The following USP37 variants were observed in gnomAD, a reference collection of about 807,000 sequenced individuals.
USP37 encodes ubiquitin carboxyl-terminal hydrolase 37.
Under a neutral mutation model 124.0 loss-of-function variants are expected in USP37, and 27 were observed. The observed-to-expected ratio is 0.22, with a 90% CI of 0.16 to 0.30. The LOEUF is 0.30. Ranked by LOEUF, USP37 falls within the 10% of genes least tolerant of loss-of-function variation. The pLI, the probability that USP37 is intolerant of heterozygous loss-of-function variation, is 1.00. For synonymous variants in USP37, 365 were observed against 388.0 expected, an observed-to-expected ratio of 0.94 and a Z score of 0.70; for missense variants, 889 against 1,140.4, an observed-to-expected ratio of 0.78 and a Z score of 3.17.
intron 20 of USP37, chr2:218,473,355 T>C (rs1023248993): frequency 6.6e-6 from 1 of 152,204 alleles, no homozygotes; most frequent in South Asian, 2.1e-4. Flanking sequence ...GGGGACTGCA[T>C]AATGATACTT....
intron 8 of USP37, 75 bp from the exon 9 acceptor site, chr2:218,534,781 TA>T: frequency 1.0e-6 from 1 of 966,882 alleles, no homozygotes; most frequent in African/African-American, 1.7e-5. Flanking sequence ...TAGTTGTCAT[TA>T]AAACATTTAC....
At position 218,512,234 on chromosome 2, in the gene USP37, C is replaced by T. The variant is rs560762908; in HGVS notation, c.864-2094G>A. On this transcript the variant is annotated intron_variant, in intron 10 of 25. Coordinates refer to ENST00000258399, the MANE Select transcript of USP37 (RefSeq NM_020935.3). ...ATTATTTTAAAATTAAGGCTGGGCA[C>T]GGTGGCTCACACCTGTAATCCCAGC... Among the ~76,000 whole-genome samples the T allele has an allele frequency of 1.5e-4, 23 of 152,200 alleles. No individual in the cohort carries two copies. The South Asian group carries it at 2.7e-3, about 18-fold the overall frequency.
chr2:218,471,386 CTG>C (rs1245021304), intron 20 of USP37, among the ~76,000 whole-genome samples: 2 of 152,168 alleles, frequency 1.3e-5, no homozygotes, highest in Non-Finnish European at 2.9e-5. Context: ...ATATCAGAAA[CTG>C]AGAAAACAGG....
At chr2:218,563,621 A>T (rs1228802192) in intron 1 of USP37, among the ~76,000 whole-genome samples, 1 of 152,156 alleles carries the variant, frequency 6.6e-6, no homozygotes, top group Non-Finnish European at 1.5e-5. Context: ...CACATCTCTC[A>T]CTGCCTATCT....
At chr2:218,467,485 A>G (rs907590273) in intron 20 of USP37, among the ~76,000 whole-genome samples, 1 of 152,030 alleles carries the variant, frequency 6.6e-6, no homozygotes, top group Non-Finnish European at 1.5e-5. Flanking sequence ...CGTAGCTGGG[A>G]TTACAGGTGC....
intron 22 of USP37, among the ~76,000 whole-genome samples, chr2:218,461,661 T>G (rs751519234): frequency 2.4e-4 from 36 of 152,006 alleles, no homozygotes; most frequent in Non-Finnish European, 5.0e-4. Flanking sequence ...ATGGAAAAGT[T>G]GAAAACTAAT....
At chr2:218,511,101 T>A (rs1202783689) in intron 10 of USP37, among the ~76,000 whole-genome samples, 1 of 152,164 alleles carries the variant, frequency 6.6e-6, no homozygotes, top group Non-Finnish European at 1.5e-5. Flanking sequence ...AACATATTCA[T>A]ATAGTTGTTT....
At position 218,450,617 on chromosome 2, in the gene USP37, AC is replaced by A. The variant is rs1404262232; in HGVS notation, c.*4312del. Reference sequence around the variant, plus strand: ...AGCTCAAAGGGAGGGAAACCTGGGGACAAGAGGTGTGCACACCCACATGTGG... The same window carrying A: ...AGCTCAAAGGGAGGGAAACCTGGGGAAAGAGGTGTGCACACCCACATGTGG... On this transcript the variant is annotated 3_prime_UTR_variant, in exon 26 of 26. Coordinates refer to ENST00000258399, the MANE Select transcript of USP37 (RefSeq NM_020935.3). 1.3e-5 allele frequency: 2 copies of A among 152,566 alleles called. No homozygotes were observed. The highest frequency in any genetic ancestry group is 2.9e-5 in the Non-Finnish European group (2 of 68,040). The allele number at this position is 152,566 out of a possible 1,614,324, so 9.5% of individuals were successfully genotyped here. A position where few individuals can be genotyped will look rare whatever the true frequency, so the allele number is the denominator to read the frequency against.
intron 11 of USP37, chr2:218,500,775 C>T (rs1262506052): frequency 6.6e-6 from 1 of 151,546 alleles, no homozygotes; most frequent in Non-Finnish European, 1.5e-5. Context: ...AACAGTGATA[C>T]CATGTCATGC....
At chr2:218,548,130 G>A (rs1398595613) in intron 6 of USP37, among the ~76,000 whole-genome samples, 1 of 152,092 alleles carries the variant, frequency 6.6e-6, no homozygotes, top group Non-Finnish European at 1.5e-5. Flanking sequence ...AGTAATATTA[G>A]AAGCCACAGA....
intron 5 of USP37, among the ~76,000 whole-genome samples, chr2:218,552,918 AAAACAAACAAACAAACAAAC>A (rs140347553): frequency 4.6e-5 from 7 of 151,500 alleles, no homozygotes; most frequent in African/African-American, 1.7e-4. Context: ...ACTCCATTTC[AAAACAAACAAACAAACAAAC>A]AAACAAATAA....
intron 10 of USP37, among the ~76,000 whole-genome samples, chr2:218,513,879 G>A (rs558747585): frequency 2.4e-3 from 368 of 152,146 alleles, no homozygotes; most frequent in Middle Eastern, 6.8e-3. Context: ...GCGCCATCGC[G>A]GCTCACGGCA....
chr2:218,501,960 G>A (rs1047030779), intron 11 of USP37, among the ~76,000 whole-genome samples: 2 of 152,098 alleles, frequency 1.3e-5, no homozygotes, highest in African/African-American at 2.4e-5. Context: ...CCACCAGTTC[G>A]AATTTACACC....
Position 218,497,566 on chromosome 2 carries a change from G to A in USP37, c.1281+168C>T, listed in dbSNP as rs554630927. Among the ~76,000 whole-genome samples the A allele has an allele frequency of 2.7e-5, 4 of 147,366 alleles. No homozygotes were observed. The East Asian group carries it at 6.1e-4, about 23-fold the overall frequency. ...ATGCCACCACGCCTGGCTAATTTTTGTATTTTTAGTAGACACAGGGTTTCG... is the reference window on the plus strand; with the variant it reads ...ATGCCACCACGCCTGGCTAATTTTTATATTTTTAGTAGACACAGGGTTTCG... On this transcript the variant is annotated intron_variant, in intron 13 of 25. Coordinates refer to ENST00000258399, the MANE Select transcript of USP37 (RefSeq NM_020935.3).
At chr2:218,487,773 C>T (rs2105980220) in intron 15 of USP37, among the ~76,000 whole-genome samples, 1 of 152,044 alleles carries the variant, frequency 6.6e-6, no homozygotes, top group African/African-American at 2.4e-5. Context: ...AATTTATAAT[C>T]TATTTAAGCA....
At chr2:218,562,563 A>G (rs1693364258) in intron 2 of USP37, 110 bp downstream of exon 2, 1 of 394,258 alleles carries the variant, frequency 2.5e-6, no homozygotes, top group African/African-American at 2.1e-5. Flanking sequence ...TGGTAAATAA[A>G]GTATGGCCAA....
chr2:218,499,530 A>G (rs1436833113), intron 11 of USP37, among the ~76,000 whole-genome samples: 2 of 152,184 alleles, frequency 1.3e-5, no homozygotes, highest in African/African-American at 4.8e-5. Context: ...TCAGAGTACA[A>G]TTATCAGCAT....
intron 4 of USP37, among the ~76,000 whole-genome samples, chr2:218,555,906 C>T (rs1692945786): frequency 1.3e-5 from 2 of 152,180 alleles, no homozygotes; most frequent in African/African-American, 2.4e-5. Context: ...TCACACCTCC[C>T]AAATCTTTAA....
intron 20 of USP37, among the ~76,000 whole-genome samples, chr2:218,470,569 G>A (rs1016717363): frequency 1.3e-5 from 2 of 152,178 alleles, no homozygotes; most frequent in Non-Finnish European, 2.9e-5. Context: ...CATGGCTTCA[G>A]GCCATGCAAA....
Sources: allele counts gnomAD v4.1 joint callset (sites outside exome capture counted in the v4.1 genomes callset), GRCh38; gene constraint gnomAD v4.1.1; transcripts MANE v1.5; gene names NCBI Gene and HGNC (gene_info 2026-07-23, HGNC 2026-07-21).